The following FAT3 variants were observed in gnomAD, a reference collection of about 807,000 sequenced individuals.
FAT3 encodes the protein FAT atypical cadherin 3.
Under a neutral mutation model 310.2 loss-of-function variants are expected in FAT3, and 95 were observed. The ratio of observed to expected loss-of-function variants is 0.31; its 90% CI spans 0.26 to 0.36. The LOEUF is 0.36. Among genes scored for constraint, FAT3 ranks in the 10% least tolerant of loss-of-function variants. The pLI, the probability that FAT3 is intolerant of heterozygous loss-of-function variation, is 1.00. For synonymous variants in FAT3, 2,314 were observed against 2,192.9 expected, an observed-to-expected ratio of 1.06 and a Z score of -1.54; for missense variants, 5,408 against 5,715.6, an observed-to-expected ratio of 0.95 and a Z score of 1.74.
At chr11:92,309,384 G>GCACACACA (rs59596533) in intron 1 of FAT3, among the ~76,000 whole-genome samples, 6 of 145,002 alleles carry the variant, frequency 4.1e-5, no homozygotes, top group Non-Finnish European at 7.5e-5. Flanking sequence ...ACACACGCAT[G>GCACACACA]CACACACACA....
chr11:92,882,579 T>TCCCCCCCCCCCCCCCCC (rs370925383), intron 23 of FAT3, among the ~76,000 whole-genome samples, 159 bp from the exon 24 acceptor site: 1 of 80,332 alleles, frequency 1.2e-5, no homozygotes, highest in African/African-American at 5.8e-5. Context: ...CTAAATTAAC[T>TCCCCCCCCCCCCCCCCC]CCCCCTCCCC....
Position 92,800,493 on chromosome 11 carries a change from C to G in FAT3, c.7480C>G (p.Pro2494Ala). ...IRVLGANLYSPAFSQSTYVAE... is the reference protein window; with the variant it reads ...IRVLGANLYSAAFSQSTYVAE... ...GGTACTTGGGGCTAACTTGTACAGC[C>G]CTGCCTTTTCACAAAGCACATACGT... The change falls in exon 10 of 28, where the codon CCT (proline) becomes GCT (alanine). Residue 2494 changes from proline to alanine, a missense_variant. Physicochemically the swap from Pro to Ala is conservative, Grantham distance 27. Around this residue, in one of 5 missense-constraint regions of FAT3, gnomAD observed 4,588 missense variants for 4,809.8 expected, o/e 0.95. Coordinates refer to ENST00000525166, the MANE Select transcript of FAT3 (RefSeq NM_001367949.2). 1 of 1,613,920 alleles carries G rather than the reference C, an allele frequency of 6.2e-7. No homozygotes were observed. Among genetic ancestry groups the G allele is most frequent in the South Asian group, 1.1e-5 (1 of 91,084 alleles).
intron 3 of FAT3, among the ~76,000 whole-genome samples, chr11:92,565,181 A>G (rs1441218561): frequency 6.8e-6 from 1 of 147,980 alleles, no homozygotes; most frequent in Non-Finnish European, 1.5e-5. Flanking sequence ...TCAAATAGAC[A>G]CAATAAAAAA....
chr11:92,426,193 T>G (rs780765557), intron 2 of FAT3, among the ~76,000 whole-genome samples: 4 of 152,246 alleles, frequency 2.6e-5, no homozygotes, highest in African/African-American at 9.6e-5. Flanking sequence ...TTTTGAGAAG[T>G]GTCTGTTAAT....
intron 3 of FAT3, among the ~76,000 whole-genome samples, chr11:92,693,714 T>C (rs79138217): frequency 0.02 from 2,980 of 152,244 alleles, 128 homozygotes; most frequent in East Asian, 0.19. Flanking sequence ...TTTTACACCT[T>C]AGTGGTTTAG....
rs1949911127 is a variant in FAT3 at position 92,891,151 on chromosome 11, A to G, written c.*38A>G. On this transcript the variant is annotated 3_prime_UTR_variant, in exon 28 of 28. Coordinates refer to ENST00000525166, the MANE Select transcript of FAT3 (RefSeq NM_001367949.2). Reference sequence around the variant, plus strand: ...GGGTACTTCACCCTGTTTGTTACAGAAAAGTGGAAGCAGATTGGCTGGGCT... The same window carrying G: ...GGGTACTTCACCCTGTTTGTTACAGGAAAGTGGAAGCAGATTGGCTGGGCT... The G allele has an allele frequency of 4.4e-6, 7 of 1,598,732 alleles. No homozygotes were observed. The highest frequency in any genetic ancestry group is 6.0e-6 in the Non-Finnish European group (7 of 1,172,046).
chr11:92,517,228 A>T (rs939150437), intron 2 of FAT3, among the ~76,000 whole-genome samples: 4 of 152,204 alleles, frequency 2.6e-5, no homozygotes, highest in Non-Finnish European at 5.9e-5. Context: ...CTGACTTCAA[A>T]CTATACTACA....
At position 92,790,013 on chromosome 11, in the gene FAT3, T is replaced by C. The variant is rs1196287698; in HGVS notation, c.4406T>C (p.Ile1469Thr). 3.1e-6 allele frequency: 5 copies of C among 1,613,690 alleles called. No homozygotes were observed. Among genetic ancestry groups the C allele is most frequent in the Non-Finnish European group, 4.2e-6 (5 of 1,179,762 alleles). The stretch of plus-strand genomic sequence containing the variant: ...TCTCAGCCGAATTACGATGTGACAA[T>C]TTCCGAGGATGTGCTTCCAGACACG... ...EFSQPNYDVTISEDVLPDTEI... is the reference protein window; with the variant it reads ...EFSQPNYDVTTSEDVLPDTEI... Residue 1469 changes from isoleucine (I) to threonine (T), a missense_variant, in exon 8 of 28, where the codon ATT (isoleucine) becomes ACT (threonine). Ile to Thr is a moderately conservative substitution (Grantham distance 89). This residue lies in a region of FAT3 where 4,588 missense variants were observed against 4,809.8 expected (regional missense o/e 0.95). Transcript: ENST00000525166.
At chr11:92,644,558 A>C (rs567466864) in intron 3 of FAT3, among the ~76,000 whole-genome samples, 1 of 152,038 alleles carries the variant, frequency 6.6e-6, no homozygotes, top group African/African-American at 2.4e-5. Context: ...CCCTTTTCAC[A>C]TACTTCTCAC....
At chr11:92,806,086 CCT>C (rs1235337059) in intron 11 of FAT3, among the ~76,000 whole-genome samples, 1 of 152,076 alleles carries the variant, frequency 6.6e-6, no homozygotes, top group Non-Finnish European at 1.5e-5. Context: ...TGGGGATGTT[CCT>C]CTGTTTTCTT....
chr11:92,306,397 T>C (rs1020483007), intron 1 of FAT3, among the ~76,000 whole-genome samples: 1 of 148,268 alleles, frequency 6.7e-6, no homozygotes, highest in Non-Finnish European at 1.5e-5. Flanking sequence ...CTATTTACTG[T>C]AAAGTTTTTG....
At chr11:92,597,658 A>T (rs1003436821) in intron 3 of FAT3, among the ~76,000 whole-genome samples, 6 of 152,172 alleles carry the variant, frequency 3.9e-5, no homozygotes, top group African/African-American at 1.4e-4. Flanking sequence ...TTTCTCTGGA[A>T]CTGGCTTCTA....
At chr11:92,241,890 A>C (rs1864682480) in intron 1 of FAT3, among the ~76,000 whole-genome samples, 1 of 152,094 alleles carries the variant, frequency 6.6e-6, no homozygotes, top group Non-Finnish European at 1.5e-5. Context: ...TTATTTTGGC[A>C]CAGTGGAGTT....
intron 3 of FAT3, among the ~76,000 whole-genome samples, chr11:92,539,012 A>T (rs1954353578): frequency 6.6e-6 from 1 of 152,134 alleles, no homozygotes; most frequent in East Asian, 1.9e-4. Flanking sequence ...TCAGTTAACC[A>T]AGACAAATCC....
chr11:92,634,315 A>G (rs1941677713), intron 3 of FAT3, among the ~76,000 whole-genome samples: 1 of 152,128 alleles, frequency 6.6e-6, no homozygotes. Flanking sequence ...CTATTTCCCT[A>G]TCTCTGAATC....
At chr11:92,775,551 A>T (rs1202011498) in intron 7 of FAT3, among the ~76,000 whole-genome samples, 1 of 152,178 alleles carries the variant, frequency 6.6e-6, no homozygotes, top group African/African-American at 2.4e-5. Context: ...TTTCCCAGTA[A>T]CTAGGATGAT....
At chr11:92,425,215 A>T (rs1233863452) in intron 2 of FAT3, among the ~76,000 whole-genome samples, 1 of 152,022 alleles carries the variant, frequency 6.6e-6, no homozygotes, top group Non-Finnish European at 1.5e-5. Flanking sequence ...TTTTTTAAAA[A>T]GGTATTTTTC....
chr11:92,889,158 C>A, intron 25 of FAT3, 31 bp from the exon 26 acceptor site: 1 of 701,926 alleles, frequency 1.4e-6, no homozygotes, highest in Non-Finnish European at 2.6e-6. Flanking sequence ...CTGTCCTTCC[C>A]CTACCTCCGA....
intron 2 of FAT3, among the ~76,000 whole-genome samples, chr11:92,438,810 T>C (rs1054149415): frequency 6.6e-6 from 1 of 152,196 alleles, no homozygotes; most frequent in African/African-American, 2.4e-5. Flanking sequence ...ATGGTGCTTT[T>C]CCACAAGGTA....
Sources: gnomAD v4.1 joint callset for allele counts (sites outside exome capture counted in the v4.1 genomes callset) on GRCh38, gnomAD v4.1.1 for gene constraint, gnomAD v4.1.1 regional missense constraint, MANE v1.5 for transcripts, NCBI Gene and HGNC (gene_info 2026-07-23, HGNC 2026-07-21) for gene names.